Variants in MGLL observed in about 807,000 individuals in gnomAD.
MGLL encodes the protein lysophospholipase homolog.
A neutral mutation model predicts 29.1 loss-of-function variants in MGLL; 7 were observed. The observed-to-expected ratio is 0.24, with a 90% CI of 0.14 to 0.45. MGLL has a LOEUF of 0.45. Among genes scored for constraint, MGLL ranks in the 20% least tolerant of loss-of-function variants. The pLI, the probability that MGLL is intolerant of heterozygous loss-of-function variation, is 0.99. For missense variants in MGLL, 356 were observed against 413.6 expected, an observed-to-expected ratio of 0.86 and a Z score of 1.21; for synonymous variants, 148 against 168.3, an observed-to-expected ratio of 0.88 and a Z score of 0.93.
chr3:127,764,441 T>C (rs1424260346), intron 3 of MGLL, among the ~76,000 whole-genome samples: 1 of 152,040 alleles, frequency 6.6e-6, no homozygotes, highest in East Asian at 1.9e-4. Flanking sequence ...TGGTGCAGAA[T>C]AAAAGAGAAG....
chr3:127,801,481 T>C (rs941145997), intron 2 of MGLL, among the ~76,000 whole-genome samples: 2 of 151,064 alleles, frequency 1.3e-5, no homozygotes, highest in Non-Finnish European at 2.9e-5. Context: ...CCAGGCCTGG[T>C]GGTGCATGCC....
intron 3 of MGLL, among the ~76,000 whole-genome samples, chr3:127,723,531 C>T (rs931553110): frequency 3.3e-5 from 5 of 152,130 alleles, no homozygotes; most frequent in African/African-American, 1.2e-4. Context: ...ACTGGCCCTT[C>T]CCCCACACCC....
Position 127,755,861 on chromosome 3 carries a change from G to A in MGLL, c.262+25928C>T, listed in dbSNP as rs146878751. 5.7e-3 allele frequency among the ~76,000 whole-genome samples: 874 copies of A among 152,280 alleles called. 12 individuals carry two copies. The highest frequency in any genetic ancestry group is 0.02 in the African/African-American group (815 of 41,550). On this transcript the variant is annotated intron_variant, in intron 3 of 7. Transcript: ENST00000265052. ...CACAGAGTAACTGGTGGACATGGCC[G>A]TTTGTCTACCCAATATCCACTCTCT...
intron 2 of MGLL, among the ~76,000 whole-genome samples, chr3:127,793,392 AATG>A (rs562201911): frequency 1.3e-5 from 2 of 152,366 alleles, no homozygotes; most frequent in South Asian, 4.1e-4. Context: ...TTATTTTAAG[AATG>A]ATAACAGTAA....
At chr3:127,798,833 C>CT (rs1227050284) in intron 2 of MGLL, among the ~76,000 whole-genome samples, 2 of 152,188 alleles carry the variant, frequency 1.3e-5, no homozygotes, top group African/African-American at 4.8e-5. Flanking sequence ...GCTCCACAGC[C>CT]TTTCCAGGTA....
chr3:127,784,569 C>T (rs147270340), intron 2 of MGLL, among the ~76,000 whole-genome samples: 1 of 152,122 alleles, frequency 6.6e-6, no homozygotes, highest in East Asian at 1.9e-4. Flanking sequence ...GTCACTGCCA[C>T]CCTTCTCTCT....
intron 6 of MGLL, among the ~76,000 whole-genome samples, chr3:127,697,946 T>C (rs782439): frequency 0.037 from 5,634 of 152,260 alleles, 254 homozygotes; most frequent in African/African-American, 0.11. Context: ...TAGCGATGTC[T>C]TACAACCACC....
At chr3:127,759,946 C>T (rs763783031) in intron 3 of MGLL, among the ~76,000 whole-genome samples, 17 of 152,338 alleles carry the variant, frequency 1.1e-4, no homozygotes, top group Admixed American at 2.6e-4. Flanking sequence ...CACTTCTCCA[C>T]GACTCTGAGG....
intron 3 of MGLL, among the ~76,000 whole-genome samples, chr3:127,779,458 T>C (rs1005328521): frequency 9.2e-5 from 14 of 151,974 alleles, no homozygotes; most frequent in Non-Finnish European, 1.8e-4. Context: ...CCTGGAAACA[T>C]TGGTGTACAG....
At chr3:127,735,497 GA>G (rs1251761149) in intron 3 of MGLL, among the ~76,000 whole-genome samples, 1 of 152,222 alleles carries the variant, frequency 6.6e-6, no homozygotes, top group Non-Finnish European at 1.5e-5. Context: ...AATCACAGAA[GA>G]CTGAGTAAGT....
chr3:127,734,093 G>A (rs1376826285), intron 3 of MGLL, among the ~76,000 whole-genome samples: 1 of 152,218 alleles, frequency 6.6e-6, no homozygotes, highest in Non-Finnish European at 1.5e-5. Flanking sequence ...GTTGGTCTAA[G>A]GAGTCTAATT....
intron 2 of MGLL, among the ~76,000 whole-genome samples, chr3:127,796,211 A>G (rs1447673274): frequency 6.6e-6 from 1 of 152,174 alleles, no homozygotes; most frequent in Non-Finnish European, 1.5e-5. Context: ...GATATTACTA[A>G]TCAATCCCAG....
intron 3 of MGLL, chr3:127,736,284 T>C (rs1484978313): frequency 3.0e-6 from 3 of 985,782 alleles, no homozygotes; most frequent in African/African-American, 1.7e-5. Flanking sequence ...TGAGATACTA[T>C]ATTTTTTAAC....
At chr3:127,736,197 C>T in intron 3 of MGLL, 1 of 1,013,004 alleles carries the variant, frequency 9.9e-7, no homozygotes, top group Non-Finnish European at 1.2e-6. Flanking sequence ...TGTTAAGTAT[C>T]ACTTTAAAAA....
intron 6 of MGLL, among the ~76,000 whole-genome samples, chr3:127,705,916 G>T (rs1267458692): frequency 6.6e-6 from 1 of 152,134 alleles, no homozygotes; most frequent in Non-Finnish European, 1.5e-5. Context: ...ATACCCATTA[G>T]GATGGCTACT....
chr3:127,723,008 A>C (rs1420319212), intron 3 of MGLL, among the ~76,000 whole-genome samples: 1 of 152,234 alleles, frequency 6.6e-6, no homozygotes. Flanking sequence ...CACTAGGTAG[A>C]GTGGTACACT....
At chr3:127,796,511 C>T (rs1453425719) in intron 2 of MGLL, among the ~76,000 whole-genome samples, 1 of 152,228 alleles carries the variant, frequency 6.6e-6, no homozygotes, top group Admixed American at 6.5e-5. Flanking sequence ...TTCAAAACCT[C>T]TTGGTTAAGT....
At chr3:127,726,185 A>G (rs753234916) in intron 3 of MGLL, among the ~76,000 whole-genome samples, 26 of 66,500 alleles carry the variant, frequency 3.9e-4, no homozygotes, top group Admixed American at 2.6e-3. Flanking sequence ...AGAAAGAAAG[A>G]AAAGAAAAGA....
chr3:127,755,003 T>TG (rs1217100920), intron 3 of MGLL, among the ~76,000 whole-genome samples: 1 of 151,056 alleles, frequency 6.6e-6, no homozygotes, highest in Admixed American at 6.6e-5. Flanking sequence ...CACGAGATGG[T>TG]GGGGGTGTTT....
Sources: gnomAD v4.1 joint callset for allele counts (sites outside exome capture counted in the v4.1 genomes callset) on GRCh38, gnomAD v4.1.1 for gene constraint, MANE v1.5 for transcripts, NCBI Gene and HGNC (gene_info 2026-07-23, HGNC 2026-07-21) for gene names.